The following LAMB4 variants were observed in gnomAD, a reference collection of about 807,000 sequenced individuals.
LAMB4 encodes the protein laminin subunit beta 4.
LAMB4 carries 196 observed loss-of-function variants against 199.2 expected under a neutral mutation model. The observed-to-expected ratio is 0.98, with a 90% CI of 0.88 to 1.11. The LOEUF is 1.11. Among genes scored for constraint, LAMB4 ranks in the 50% least tolerant of loss-of-function variants. LAMB4 has a pLI of 0.00. For missense variants in LAMB4, 2,080 were observed against 2,171.2 expected, an observed-to-expected ratio of 0.96 and a Z score of 0.83; for synonymous variants, 744 against 770.6, an observed-to-expected ratio of 0.97 and a Z score of 0.57.
intron 16 of LAMB4, among the ~76,000 whole-genome samples, chr7:108,077,761 C>G (rs1041589865): frequency 2.6e-5 from 4 of 152,150 alleles, no homozygotes; most frequent in Non-Finnish European, 5.9e-5. Context: ...AATTAGCAGT[C>G]TTTTACTTCA....
chr7:108,083,459 T>C (rs2037037396), intron 14 of LAMB4, among the ~76,000 whole-genome samples: 1 of 152,142 alleles, frequency 6.6e-6, no homozygotes, highest in Admixed American at 6.5e-5. Flanking sequence ...TTCACCAAGG[T>C]GGGAAAACGT....
intron 33 of LAMB4, among the ~76,000 whole-genome samples, chr7:108,026,015 G>T (rs950537173): frequency 1.3e-5 from 2 of 152,172 alleles, no homozygotes; most frequent in Non-Finnish European, 2.9e-5. Flanking sequence ...TCTCAGTTCA[G>T]CACGGAGGTG....
chr7:108,037,748 C>T (rs1440176946), intron 29 of LAMB4, among the ~76,000 whole-genome samples, 153 bp from the exon 30 acceptor site: 1 of 152,212 alleles, frequency 6.6e-6, no homozygotes, highest in African/African-American at 2.4e-5. Flanking sequence ...CCTATAGATT[C>T]TTCTTCATCC....
chr7:108,090,833 C>T (rs1167390568), intron 14 of LAMB4, among the ~76,000 whole-genome samples: 2 of 152,170 alleles, frequency 1.3e-5, no homozygotes, highest in Non-Finnish European at 2.9e-5. Flanking sequence ...ATTCCACCTA[C>T]CGCAGTTGTT....
chr7:108,058,487 A>G (rs1163079548), intron 23 of LAMB4, among the ~76,000 whole-genome samples: 1 of 152,212 alleles, frequency 6.6e-6, no homozygotes, highest in Admixed American at 6.5e-5. Flanking sequence ...TGAACTCTTG[A>G]CCAGCTTTTC....
At chr7:108,056,973 A>G (rs1450743335) in intron 24 of LAMB4, among the ~76,000 whole-genome samples, 1 of 145,870 alleles carries the variant, frequency 6.9e-6, no homozygotes. Context: ...CCCTGTCTCA[A>G]AAAAAAAAAA....
intron 24 of LAMB4, among the ~76,000 whole-genome samples, 193 bp from the exon 25 acceptor site, chr7:108,056,200 T>C (rs1224180235): frequency 1.3e-5 from 2 of 152,252 alleles, no homozygotes; most frequent in African/African-American, 2.4e-5. Context: ...TATATTCCAC[T>C]AAGAAATCAG....
chr7:108,049,679 T>C, intron 26 of LAMB4, 148 bp from the exon 27 acceptor site: 2 of 542,916 alleles, frequency 3.7e-6, no homozygotes, highest in Non-Finnish European at 6.5e-6. Flanking sequence ...GAATTTGCAA[T>C]TGATGGGGGA....
At chr7:108,050,642 C>T (rs2035797700) in intron 26 of LAMB4, among the ~76,000 whole-genome samples, 1 of 152,146 alleles carries the variant, frequency 6.6e-6, no homozygotes, top group South Asian at 2.1e-4. Context: ...GAACCATAAT[C>T]CAGGCAGGAG....
At chr7:108,118,493 G>A (rs980785037) in intron 2 of LAMB4, among the ~76,000 whole-genome samples, 13 of 152,112 alleles carry the variant, frequency 8.5e-5, no homozygotes, top group African/African-American at 2.9e-4. Context: ...ATGTCCTACT[G>A]ATTTTTGAGG....
At position 108,076,959 on chromosome 7, in the gene LAMB4, A is replaced by T. The variant is rs753265908; in HGVS notation, c.2109T>A (p.His703Gln). The T allele has an allele frequency of 1.2e-6, 2 of 1,614,104 alleles. No homozygotes were observed. Among genetic ancestry groups the T allele is most frequent in the South Asian group, 2.2e-5 (2 of 91,088 alleles). The change falls in exon 17 of 34, where the codon CAT becomes CAA. Residue 703 changes from histidine to glutamine, a missense_variant. Physicochemically the swap from His to Gln is conservative, Grantham distance 24. Transcript: ENST00000388781. ...PLQGESHAHSHVLVDSLGLIP... is the reference protein window; with the variant it reads ...PLQGESHAHSQVLVDSLGLIP... ...TGATACTTACAGAGTCCACCAGGACATGTGAATGAGCGTGGGACTCTCCTT... is the reference window on the plus strand; with the variant it reads ...TGATACTTACAGAGTCCACCAGGACTTGTGAATGAGCGTGGGACTCTCCTT...
intron 23 of LAMB4, among the ~76,000 whole-genome samples, chr7:108,060,410 C>G (rs566302251): frequency 1.3e-5 from 2 of 152,162 alleles, no homozygotes; most frequent in East Asian, 3.9e-4. Flanking sequence ...TGGTTGGTGG[C>G]TGCAGGTGTG....
At chr7:108,113,551 G>T (rs2038304497) in intron 3 of LAMB4, among the ~76,000 whole-genome samples, 1 of 152,158 alleles carries the variant, frequency 6.6e-6, no homozygotes, top group East Asian at 1.9e-4. Flanking sequence ...TTGCATAGGG[G>T]TAGGCCCATC....
Position 108,122,658 on chromosome 7 carries a change from A to C in LAMB4, c.34+473T>G, listed in dbSNP as rs375455276. 4.6e-5 allele frequency among the ~76,000 whole-genome samples: 7 copies of C among 152,354 alleles called. No individual in the cohort carries two copies. The South Asian group carries it at 1.4e-3, about 32-fold the overall frequency. On this transcript the variant is annotated intron_variant, in intron 2 of 33. Coordinates refer to ENST00000388781, the MANE Select transcript of LAMB4 (RefSeq NM_007356.3). ...ATCAAAGAGAGTAATTGTTGGAAAC[A>C]TCTTCTCTATGATTAATGTAAATTG...
intron 28 of LAMB4, 135 bp downstream of exon 28, chr7:108,047,773 A>G (rs1042593929): frequency 3.8e-5 from 26 of 688,534 alleles, no homozygotes; most frequent in Non-Finnish European, 6.3e-5. Context: ...TTTATCCTAT[A>G]TTTCCAGGCA....
chr7:108,025,383 CTTTTCT>C (rs2034794869), intron 33 of LAMB4, among the ~76,000 whole-genome samples: 25 of 103,140 alleles, frequency 2.4e-4, no homozygotes, highest in African/African-American at 1.5e-3. Context: ...TCTTTCTTTT[CTTTTCT>C]TTTCTTTCTT....
intron 31 of LAMB4, among the ~76,000 whole-genome samples, chr7:108,032,879 C>T (rs7778112): frequency 0.039 from 5,941 of 152,234 alleles, 400 homozygotes; most frequent in African/African-American, 0.14. Context: ...CAGGGATGGG[C>T]AGATGCCTGC....
chr7:108,078,717 GC>G (rs1276669868), intron 15 of LAMB4, among the ~76,000 whole-genome samples: 1 of 152,136 alleles, frequency 6.6e-6, no homozygotes, highest in Non-Finnish European at 1.5e-5. Flanking sequence ...TTATTCTGAA[GC>G]CTTACAATTT....
intron 10 of LAMB4, among the ~76,000 whole-genome samples, chr7:108,100,543 G>C (rs1199092795): frequency 6.6e-5 from 10 of 152,112 alleles, no homozygotes; most frequent in Non-Finnish European, 1.3e-4. Context: ...TGTTTACAAA[G>C]AATGACTTCT....
Sources: allele counts gnomAD v4.1 joint callset (sites outside exome capture counted in the v4.1 genomes callset), GRCh38; gene constraint gnomAD v4.1.1; transcripts MANE v1.5; gene names NCBI Gene and HGNC (gene_info 2026-07-23, HGNC 2026-07-21).